The following DMD variants were observed in gnomAD, a reference collection of about 807,000 sequenced individuals.
DMD encodes the protein mutant dystrophin.
A neutral mutation model predicts 330.1 loss-of-function variants in DMD; 63 were observed. That is an observed-to-expected ratio of 0.19 (90% CI 0.16 to 0.24). The LOEUF is 0.24. Ranked by LOEUF, DMD falls within the 10% of genes least tolerant of loss-of-function variation. DMD has a pLI of 1.00. For synonymous variants in DMD, 1,223 were observed against 959.8 expected, an observed-to-expected ratio of 1.27 and a Z score of -5.07; for missense variants, 3,344 against 2,684.1, an observed-to-expected ratio of 1.25 and a Z score of -5.43.
intron 2 of DMD, among the ~76,000 whole-genome samples, chrX:33,009,760 G>A (rs1445385968): frequency 2.0e-5 from 1 of 49,532 alleles, no homozygotes; most frequent in African/African-American, 7.2e-5. Flanking sequence ...GTATATGTGT[G>A]TATATGTGTA....
intron 44 of DMD, among the ~76,000 whole-genome samples, chrX:32,033,666 AAG>A (rs2095911916): frequency 1.4e-5 from 1 of 70,587 alleles, no homozygotes. Context: ...GAAAGAAAGA[AAG>A]AAAGGAAGGA....
At position 32,800,174 on chromosome X, in the gene DMD, T is replaced by G. The variant is rs929405316; in HGVS notation, c.649+9319A>C. 5.3e-5 allele frequency among the ~76,000 whole-genome samples: 6 copies of G among 112,185 alleles called. No individual in the cohort carries two copies. In the East Asian group the frequency reaches 1.7e-3, roughly 31 times the overall value. On this transcript the variant is annotated intron_variant, in intron 7 of 78. Coordinates refer to ENST00000357033, the MANE Select transcript of DMD (RefSeq NM_004006.3). ...CATAACTAATTTAAAATGAAATTTC[T>G]TTGGAGAGTAGCCAACATCATGCAT...
At chrX:31,668,673 T>C (rs1225244805) in intron 53 of DMD, among the ~76,000 whole-genome samples, 2 of 111,168 alleles carry the variant, frequency 1.8e-5, no homozygotes, top group Non-Finnish European at 3.8e-5. Flanking sequence ...TATTATTAAC[T>C]ATGGTCACCA....
chrX:32,373,063 AC>A (rs1200678987), intron 34 of DMD, among the ~76,000 whole-genome samples: 1 of 109,969 alleles, frequency 9.1e-6, no homozygotes, highest in Non-Finnish European at 1.9e-5. Context: ...GAATTAGAAT[AC>A]CTAAGACATT....
intron 37 of DMD, among the ~76,000 whole-genome samples, chrX:32,355,430 G>A (rs1460655943): frequency 1.8e-5 from 2 of 111,421 alleles, no homozygotes; most frequent in Non-Finnish European, 3.8e-5. Context: ...ACACTGATCA[G>A]GGGACTAATT....
intron 7 of DMD, among the ~76,000 whole-genome samples, chrX:32,716,238 G>C (rs1289061506): frequency 2.7e-5 from 3 of 111,035 alleles, no homozygotes; most frequent in Admixed American, 9.6e-5. Context: ...CAGTGTTGGA[G>C]GAGGGGCCTG....
chrX:32,730,346 T>A (rs1174158617), intron 7 of DMD, among the ~76,000 whole-genome samples: 2 of 112,071 alleles, frequency 1.8e-5, no homozygotes, highest in Non-Finnish European at 3.8e-5. Context: ...ATCTTGTCTC[T>A]TAAAATAAAT....
At chrX:32,941,800 A>G in intron 2 of DMD, among the ~76,000 whole-genome samples, 1 of 111,213 alleles carries the variant, frequency 9.0e-6, no homozygotes, top group Non-Finnish European at 1.9e-5. Flanking sequence ...TGGTCTAGGT[A>G]AATGAGGCAA....
intron 1 of DMD, among the ~76,000 whole-genome samples, chrX:33,139,868 T>TAAAAAAAAAAAAAAAAAAAA (rs3990971): frequency 7.8e-5 from 5 of 64,350 alleles, no homozygotes; most frequent in African/African-American, 2.4e-4. Context: ...GCCCCATCGC[T>TAAAAAAAAAAAAAAAAAAAA]AAAAAAAAAA....
chrX:32,143,111 A>G (rs1357578793), intron 44 of DMD, among the ~76,000 whole-genome samples: 1 of 109,995 alleles, frequency 9.1e-6, no homozygotes, highest in Non-Finnish European at 1.9e-5. Flanking sequence ...ATGTTCATGT[A>G]TTACTTGGTT....
chrX:31,288,668 T>A (rs1286644380), intron 62 of DMD, among the ~76,000 whole-genome samples: 1 of 111,965 alleles, frequency 8.9e-6, no homozygotes, highest in Non-Finnish European at 1.9e-5. Flanking sequence ...GTCAGTTCTC[T>A]GCCACAGAGA....
At chrX:32,022,814 G>C (rs918356139) in intron 44 of DMD, among the ~76,000 whole-genome samples, 1 of 107,358 alleles carries the variant, frequency 9.3e-6, no homozygotes, top group Non-Finnish European at 1.9e-5. Flanking sequence ...AAGAGAACTC[G>C]GTATAATCCT....
At chrX:33,282,877 T>A (rs908226573) in intron 1 of DMD, among the ~76,000 whole-genome samples, 1 of 112,104 alleles carries the variant, frequency 8.9e-6, no homozygotes, top group African/African-American at 3.2e-5. Context: ...GGGGCACATA[T>A]GAGAATGTGC....
intron 43 of DMD, among the ~76,000 whole-genome samples, chrX:32,221,025 T>A (rs971092917): frequency 1.8e-5 from 2 of 111,548 alleles, no homozygotes; most frequent in African/African-American, 6.5e-5. Context: ...CTGCTTCATT[T>A]ATGTGCAGCA....
chrX:32,516,282 G>A (rs1603635293), intron 18 of DMD, among the ~76,000 whole-genome samples: 1 of 111,341 alleles, frequency 9.0e-6, no homozygotes, highest in Non-Finnish European at 1.9e-5. Flanking sequence ...TTAGCCTGAG[G>A]GAAACATCAA....
At chrX:32,189,167 A>G (rs138719759) in intron 44 of DMD, among the ~76,000 whole-genome samples, 9,633 of 110,227 alleles carry the variant, frequency 0.087, 423 homozygotes, top group South Asian at 0.27. Context: ...CTATTTAACA[A>G]TAATTTTTCT....
intron 7 of DMD, among the ~76,000 whole-genome samples, chrX:32,762,838 G>A (rs1344973013): frequency 9.0e-6 from 1 of 111,344 alleles, no homozygotes; most frequent in Non-Finnish European, 1.9e-5. Context: ...GGGAACACAT[G>A]ACCTAATTAA....
At chrX:31,607,446 C>G (rs2077668844) in intron 55 of DMD, among the ~76,000 whole-genome samples, 1 of 112,174 alleles carries the variant, frequency 8.9e-6, no homozygotes, top group African/African-American at 3.2e-5. Context: ...AATCAAACTC[C>G]TTGTGACATT....
At chrX:32,567,547 C>A in intron 15 of DMD, among the ~76,000 whole-genome samples, 1 of 111,249 alleles carries the variant, frequency 9.0e-6, no homozygotes, top group Non-Finnish European at 1.9e-5. Flanking sequence ...AGGCACATGC[C>A]ACTAAGCCCA....
Sources: gnomAD v4.1 joint callset for allele counts (sites outside exome capture counted in the v4.1 genomes callset) on GRCh38, gnomAD v4.1.1 for gene constraint, MANE v1.5 for transcripts, NCBI Gene and HGNC (gene_info 2026-07-23, HGNC 2026-07-21) for gene names.